LINGO2: variants seen among roughly 807,000 people sequenced by gnomAD.
LINGO2 encodes leucine rich repeat and Ig domain containing 2, also known as leucine-rich repeat and immunoglobulin-like domain-containing nogo receptor-interacting protein 2.
Under a neutral mutation model 30.6 loss-of-function variants are expected in LINGO2, and 14 were observed. That is an observed-to-expected ratio of 0.46 (90% CI 0.30 to 0.72). The LOEUF (loss-of-function observed/expected upper bound fraction) is 0.72, where lower values mean the gene tolerates loss of function less well. Ranked by LOEUF, LINGO2 falls within the 30% of genes least tolerant of loss-of-function variation. LINGO2 has a pLI of 0.07. For missense variants in LINGO2, 729 were observed against 751.7 expected (o/e 0.97, Z 0.35); for synonymous variants, 317 against 288.5 (o/e 1.10, Z -1.00).
At chr9:28,778,686 C>T in the LINGO2 span, among the ~76,000 whole-genome samples, 836 of 152,034 alleles carry the variant, frequency 5.5e-3, 7 homozygotes, top group African/African-American at 0.02. Flanking sequence ...TACCCTAGGG[C>T]CAAGGTTAGA....
At chr9:29,169,500 C>T in the LINGO2 span, among the ~76,000 whole-genome samples, 5 of 151,668 alleles carry the variant, frequency 3.3e-5, no homozygotes, top group Admixed American at 1.3e-4. Context: ...AGAAGGCATA[C>T]GAGCGGCCAA....
At chr9:28,049,952 G>A (rs946898634) in intron 4 of LINGO2, among the ~76,000 whole-genome samples, 1 of 150,790 alleles carries the variant, frequency 6.6e-6, no homozygotes, top group Non-Finnish European at 1.5e-5. Context: ...TGGATTTGAT[G>A]GGGCCAAGCC....
At chr9:28,892,157 A>G in the LINGO2 span, among the ~76,000 whole-genome samples, 417 of 152,058 alleles carry the variant, frequency 2.7e-3, no homozygotes, top group African/African-American at 9.7e-3. Flanking sequence ...TTTTCACTCC[A>G]TGCTAGACTG....
rs544338034 is a variant in LINGO2 at position 28,129,802 on chromosome 9, T to C, written c.-86-117397A>G. On this transcript the variant is annotated intron_variant, in intron 4 of 5. Coordinates refer to ENST00000379992, the Ensembl canonical transcript of LINGO2. This position sits in a 1 kb window ranked among gnomAD's most constrained non-coding sequence, Gnocchi z 4.0. ...TAGTCATAAGCTTTTATTTTTTATA[T>C]TGTTTATTTTTGGTTTAAGAAGGTG... 1 of 152,344 alleles carries C rather than the reference T, an allele frequency of 6.6e-6. No homozygotes were observed. Among genetic ancestry groups the C allele is most frequent in the African/African-American group, 2.4e-5 (1 of 41,588 alleles). 9.4% of individuals were successfully genotyped at this position (152,344 alleles called of 1,614,324 possible). A position where few individuals can be genotyped will look rare whatever the true frequency, so the allele number is the denominator to read the frequency against.
the LINGO2 span, among the ~76,000 whole-genome samples, chr9:29,115,655 A>G: frequency 6.6e-6 from 1 of 151,994 alleles, no homozygotes; most frequent in African/African-American, 2.4e-5. Context: ...TTTTATAGTA[A>G]TTATTATTAA....
chr9:28,988,447 G>A, the LINGO2 span, among the ~76,000 whole-genome samples: 1 of 151,992 alleles, frequency 6.6e-6, no homozygotes, highest in Non-Finnish European at 1.5e-5. Flanking sequence ...ACTGTATTAG[G>A]CAGCATATAG....
intron 4 of LINGO2, among the ~76,000 whole-genome samples, chr9:28,053,149 G>T (rs1587775610): frequency 1.3e-5 from 2 of 152,190 alleles, no homozygotes; most frequent in Admixed American, 1.3e-4. Flanking sequence ...TCCAGAATTT[G>T]ACTTGGATTC....
chr9:29,064,103 T>C, the LINGO2 span, among the ~76,000 whole-genome samples: 2 of 152,158 alleles, frequency 1.3e-5, no homozygotes, highest in African/African-American at 2.4e-5. Context: ...AATGGTTAAA[T>C]AATATCAATA....
the LINGO2 span, among the ~76,000 whole-genome samples, chr9:28,808,608 C>T: frequency 4.4e-4 from 67 of 152,262 alleles, 1 homozygote; most frequent in African/African-American, 1.6e-3. Flanking sequence ...TTGGACTATT[C>T]ATTCCATGTG....
chr9:28,472,914 T>C (rs1401101855), intron 2 of LINGO2, among the ~76,000 whole-genome samples: 1 of 152,176 alleles, frequency 6.6e-6, no homozygotes, highest in Non-Finnish European at 1.5e-5. Context: ...ATATATCCAA[T>C]CTCTGTGTTT....
At chr9:28,101,762 A>G (rs1343421280) in intron 4 of LINGO2, among the ~76,000 whole-genome samples, 2 of 152,176 alleles carry the variant, frequency 1.3e-5, no homozygotes, top group Non-Finnish European at 2.9e-5. Context: ...TTATCAGCCC[A>G]CACTGCTAGA....
At chr9:28,911,499 A>G in the LINGO2 span, among the ~76,000 whole-genome samples, 2 of 152,098 alleles carry the variant, frequency 1.3e-5, no homozygotes, top group African/African-American at 4.8e-5. Flanking sequence ...GAAGGAGATT[A>G]TGGACAAAAT....
In LINGO2 at chr9:28,301,524, G is replaced by A. The variant is rs190757554; in HGVS notation, c.-245-6158C>T. ...ATTAATGAATCACCATGTCTAGAGTGAGACTGGAGATTCTGAAGATGACAC... is the reference window on the plus strand; with the variant it reads ...ATTAATGAATCACCATGTCTAGAGTAAGACTGGAGATTCTGAAGATGACAC... On this transcript the variant is annotated intron_variant, in intron 3 of 5. Transcript: ENST00000379992. Among the ~76,000 whole-genome samples, 381 of 152,266 alleles carry A rather than the reference G, an allele frequency of 2.5e-3. 2 individuals are homozygous for A. The highest frequency in any genetic ancestry group is 4.2e-3 in the Non-Finnish European group (285 of 68,030).
chr9:28,049,688 A>G (rs1295280585), intron 4 of LINGO2, among the ~76,000 whole-genome samples: 1 of 150,674 alleles, frequency 6.6e-6, no homozygotes, highest in East Asian at 2.0e-4. Flanking sequence ...CAAATGTGTA[A>G]AGGAGGCATT....
the LINGO2 span, among the ~76,000 whole-genome samples, chr9:28,857,210 C>T: frequency 6.6e-6 from 1 of 151,874 alleles, no homozygotes; most frequent in African/African-American, 2.4e-5. Context: ...GCCCTTGGAA[C>T]AGATAGAATT....
the LINGO2 span, among the ~76,000 whole-genome samples, chr9:29,048,549 C>G: frequency 6.6e-6 from 1 of 152,042 alleles, no homozygotes; most frequent in Admixed American, 6.6e-5. Flanking sequence ...CTGGAGGAAT[C>G]ATAATACCTG....
At chr9:28,303,733 G>A (rs1010144487) in intron 3 of LINGO2, among the ~76,000 whole-genome samples, 34 of 152,060 alleles carry the variant, frequency 2.2e-4, no homozygotes, top group African/African-American at 7.2e-4. Flanking sequence ...ATACCTTTAT[G>A]GGTTATCATA....
chr9:28,946,285 G>A, the LINGO2 span, among the ~76,000 whole-genome samples: 1 of 152,116 alleles, frequency 6.6e-6, no homozygotes, highest in Non-Finnish European at 1.5e-5. Context: ...AAAGAAATGT[G>A]CCCCTACACA....
chr9:29,101,532 T>C, the LINGO2 span, among the ~76,000 whole-genome samples: 1 of 152,148 alleles, frequency 6.6e-6, no homozygotes, highest in African/African-American at 2.4e-5. Flanking sequence ...TTAAAATGGC[T>C]TCCCCTCCCC....
Sources: allele counts gnomAD v4.1 joint callset (sites outside exome capture counted in the v4.1 genomes callset), GRCh38; gene constraint gnomAD v4.1.1; non-coding constraint Gnocchi (gnomAD v3.1); transcripts MANE v1.5; gene names NCBI Gene and HGNC (gene_info 2026-07-23, HGNC 2026-07-21).